The following STK32B variants were observed in gnomAD, a reference collection of about 807,000 sequenced individuals.
The protein encoded by STK32B is serine/threonine kinase 32B.
STK32B carries 43 observed loss-of-function variants against 52.6 expected under a neutral mutation model. The ratio of observed to expected loss-of-function variants is 0.82; its 90% CI spans 0.64 to 1.05. The LOEUF (loss-of-function observed/expected upper bound fraction) is 1.05. Ranked by LOEUF, STK32B falls within the 50% of genes least tolerant of loss-of-function variation. STK32B has a pLI of 0.00. For missense variants in STK32B, 621 were observed against 534.6 expected (o/e 1.16, Z -1.59); for synonymous variants, 238 against 204.3 (o/e 1.17, Z -1.41).
intron 4 of STK32B, among the ~76,000 whole-genome samples, chr4:5,360,846 G>A (rs934982091): frequency 3.9e-5 from 6 of 152,148 alleles, no homozygotes; most frequent in African/African-American, 9.7e-5. Flanking sequence ...AAAAGCTGTG[G>A]TAAAATACAC....
intron 11 of STK32B, among the ~76,000 whole-genome samples, chr4:5,477,829 C>T (rs889383816): frequency 7.2e-5 from 11 of 152,158 alleles, no homozygotes; most frequent in South Asian, 4.1e-4. Context: ...TCAATCCTGC[C>T]GTGTGCTGGG....
At chr4:5,237,370 A>G (rs1724705667) in intron 3 of STK32B, among the ~76,000 whole-genome samples, 2 of 152,182 alleles carry the variant, frequency 1.3e-5, no homozygotes, top group South Asian at 4.1e-4. Flanking sequence ...TGCTCAGTGA[A>G]CAAGGAAAAC....
At chr4:5,451,773 C>G (rs1337625535) in intron 7 of STK32B, among the ~76,000 whole-genome samples, 2 of 152,166 alleles carry the variant, frequency 1.3e-5, no homozygotes, top group Non-Finnish European at 1.5e-5. Context: ...AAAATGACTC[C>G]AAACATTGCC....
intron 2 of STK32B, among the ~76,000 whole-genome samples, chr4:5,143,101 C>CTCTGTCTCTGTCTGTCTG (rs1553835238): frequency 7.4e-6 from 1 of 135,568 alleles, no homozygotes; most frequent in Admixed American, 7.4e-5. Flanking sequence ...CTGTCTCTGT[C>CTCTGTCTCTGTCTGTCTG]TCTGTCTGTC....
chr4:5,037,125 T>G, the STK32B span, among the ~76,000 whole-genome samples: 4 of 152,176 alleles, frequency 2.6e-5, no homozygotes, highest in Non-Finnish European at 5.9e-5. Context: ...GGCTGTCTAG[T>G]GCACTGTAGG....
chr4:5,105,313 A>G (rs1714039791), intron 1 of STK32B, among the ~76,000 whole-genome samples: 1 of 152,232 alleles, frequency 6.6e-6, no homozygotes, highest in Non-Finnish European at 1.5e-5. Flanking sequence ...CTACAAAAAT[A>G]AAAACTGAAA....
intron 1 of STK32B, among the ~76,000 whole-genome samples, chr4:5,116,532 AT>A (rs1714727442): frequency 6.6e-6 from 1 of 152,052 alleles, no homozygotes; most frequent in Non-Finnish European, 1.5e-5. Context: ...TCTTATTTTG[AT>A]TACTCTATAT....
chr4:5,381,423 A>G (rs1045351439), intron 4 of STK32B, among the ~76,000 whole-genome samples: 1 of 152,190 alleles, frequency 6.6e-6, no homozygotes, highest in Admixed American at 6.5e-5. Context: ...CTGAGCACCA[A>G]CCAAGACAGC....
chr4:5,383,280 T>C (rs1736046089), intron 4 of STK32B, among the ~76,000 whole-genome samples: 1 of 152,084 alleles, frequency 6.6e-6, no homozygotes, highest in African/African-American at 2.4e-5. Flanking sequence ...GCTCCTGCCC[T>C]CCCCTGTCAC....
At chr4:5,408,962 C>T (rs1032444824) in intron 5 of STK32B, among the ~76,000 whole-genome samples, 1 of 152,128 alleles carries the variant, frequency 6.6e-6, no homozygotes, top group Non-Finnish European at 1.5e-5. Context: ...CAATGGGGCT[C>T]AGAGTGAAAC....
At chr4:5,283,163 G>A (rs1728318519) in intron 3 of STK32B, among the ~76,000 whole-genome samples, 1 of 152,022 alleles carries the variant, frequency 6.6e-6, no homozygotes. Flanking sequence ...AAGTGAGATC[G>A]TGTGGTATTT....
chr4:5,139,878 T>G (rs1306467448), intron 1 of STK32B, 27 bp from the exon 2 acceptor site: 4 of 1,614,012 alleles, frequency 2.5e-6, no homozygotes, highest in Non-Finnish European at 3.4e-6. Context: ...AAATCTGACT[T>G]GTTTCCTTTT....
chr4:5,243,317 A>G (rs373177504), intron 3 of STK32B, among the ~76,000 whole-genome samples: 15 of 152,024 alleles, frequency 9.9e-5, no homozygotes, highest in Admixed American at 3.9e-4. Flanking sequence ...TGGATTCCTA[A>G]GTATTTTATT....
At chr4:5,197,996 G>A (rs1279178741) in intron 3 of STK32B, among the ~76,000 whole-genome samples, 2 of 151,618 alleles carry the variant, frequency 1.3e-5, no homozygotes, top group Admixed American at 1.3e-4. Context: ...AGAATTCACT[G>A]CATTTTTTTT....
intron 3 of STK32B, among the ~76,000 whole-genome samples, chr4:5,173,657 T>A (rs1242597701): frequency 6.6e-6 from 1 of 152,244 alleles, no homozygotes; most frequent in Non-Finnish European, 1.5e-5. Context: ...GATTGCACTG[T>A]GGTCTGAGAG....
intron 6 of STK32B, among the ~76,000 whole-genome samples, chr4:5,425,328 G>C (rs1448891025): frequency 6.6e-6 from 1 of 152,182 alleles, no homozygotes; most frequent in African/African-American, 2.4e-5. Flanking sequence ...CACCATGGCA[G>C]TGCTGTGCAC....
Position 5,453,031 on chromosome 4 carries a change from A to G in STK32B, c.667-3776A>G, listed in dbSNP as rs148650951. Among the ~76,000 whole-genome samples, 232 of 152,236 alleles carry G rather than the reference A, an allele frequency of 1.5e-3. 3 individuals carry two copies. The East Asian group carries it at 0.038, about 25-fold the overall frequency. On this transcript the variant is annotated intron_variant, in intron 7 of 11. Coordinates refer to ENST00000282908, the MANE Select transcript of STK32B (RefSeq NM_018401.3). This position sits in a 1 kb window ranked among gnomAD's most constrained non-coding sequence, Gnocchi z 4.0. ...CTTATAAAAGAACCTACGTTTCTCT[A>G]CAACCACTCAAACAGATGACGGCTG...
intron 3 of STK32B, among the ~76,000 whole-genome samples, chr4:5,272,259 T>C (rs1377972658): frequency 6.8e-6 from 1 of 147,312 alleles, no homozygotes; most frequent in Non-Finnish European, 1.5e-5. Context: ...TCTATTGAGA[T>C]AATCATGTGG....
At chr4:5,114,966 AAAC>A (rs1289050276) in intron 1 of STK32B, among the ~76,000 whole-genome samples, 4 of 152,214 alleles carry the variant, frequency 2.6e-5, no homozygotes, top group African/African-American at 9.6e-5. Context: ...GCCACTGTTC[AAAC>A]AACTTTGTAA....
Sources: allele counts gnomAD v4.1 joint callset (sites outside exome capture counted in the v4.1 genomes callset), GRCh38; gene constraint gnomAD v4.1.1; non-coding constraint Gnocchi (gnomAD v3.1); transcripts MANE v1.5; gene names NCBI Gene and HGNC (gene_info 2026-07-23, HGNC 2026-07-21).